ZNF331: variants seen among roughly 807,000 people sequenced by gnomAD.
The protein encoded by ZNF331 is C2H2-like zinc finger protein rearranged in thyroid adenomas.
A neutral mutation model predicts 7.0 loss-of-function variants in ZNF331; 2 were observed. The ratio of observed to expected loss-of-function variants is 0.29; its 90% CI spans 0.12 to 0.90. ZNF331 has a LOEUF of 0.90. Among genes scored for constraint, ZNF331 ranks in the 40% least tolerant of loss-of-function variants. The probability of loss-of-function intolerance (pLI) is 0.58; values close to 1 mark genes in which losing one functional copy is unlikely to be tolerated. For missense variants in ZNF331, 432 were observed against 587.7 expected (o/e 0.74, Z 2.74); for synonymous variants, 196 against 205.4 (o/e 0.95, Z 0.39).
At chr19:53,575,706 T>C (rs1472828606) in intron 5 of ZNF331, among the ~76,000 whole-genome samples, 2 of 151,416 alleles carry the variant, frequency 1.3e-5, no homozygotes, top group Non-Finnish European at 2.9e-5. Context: ...TTTTTTGATA[T>C]GGAGTCTAGC....
At chr19:53,519,606 G>A (rs1302245424), upstream of ZNF331, among the ~76,000 whole-genome samples, 1 of 152,162 alleles carries the variant, frequency 6.6e-6, no homozygotes, top group Admixed American at 6.5e-5. Flanking sequence ...ATATCCTGCC[G>A]GGCAGCAAGC....
upstream of ZNF331, among the ~76,000 whole-genome samples, chr19:53,514,685 C>CTT (rs375128658): frequency 1.5e-5 from 2 of 135,180 alleles, no homozygotes; most frequent in African/African-American, 2.8e-5. Context: ...GAGTTTCACA[C>CTT]TGTCGCCCAG....
chr19:53,571,459 G>T lies in ZNF331; in HGVS notation c.10-145G>T, dbSNP rs2090441864. 6 of 954,890 alleles carry T rather than the reference G, an allele frequency of 6.3e-6. No homozygotes were observed. The Admixed American group carries it at 9.2e-5, about 15-fold the overall frequency. 59.2% of individuals were successfully genotyped at this position (954,890 alleles called of 1,614,324 possible). ...GCATTCTGCTTCCGTCACAGTTACA[G>T]TGATGTCCTTACCGCCCCTTGCCGA... On this transcript the variant is annotated intron_variant, in intron 4 of 5. Transcript: ENST00000449416. The surrounding 1 kb of genome is among the most constrained non-coding windows in gnomAD (Gnocchi z 4.7).
chr19:53,513,644 T>G, the ZNF331 span, among the ~76,000 whole-genome samples: 6 of 151,496 alleles, frequency 4.0e-5, no homozygotes, highest in Non-Finnish European at 8.8e-5. Context: ...GGCCCTTTAC[T>G]TTTTTTCGTT....
intron 3 of ZNF331, among the ~76,000 whole-genome samples, chr19:53,562,190 T>C (rs561744169): frequency 6.8e-6 from 1 of 147,926 alleles, no homozygotes; most frequent in East Asian, 1.9e-4. Context: ...AATTGTAATG[T>C]TTCTTTCCCA....
intron 5 of ZNF331, among the ~76,000 whole-genome samples, chr19:53,572,295 T>G (rs949932304): frequency 6.6e-6 from 1 of 152,032 alleles, no homozygotes; most frequent in African/African-American, 2.4e-5. Flanking sequence ...CAAACATCCC[T>G]GGAAACTTAT....
chr19:53,531,902 T>G (rs1379362552), intron 2 of ZNF331, among the ~76,000 whole-genome samples: 1 of 152,202 alleles, frequency 6.6e-6, no homozygotes, highest in African/African-American at 2.4e-5. Context: ...GGGCCACATA[T>G]AGTTCTGTAT....
At chr19:53,527,755 G>C (rs767571932) in intron 2 of ZNF331, among the ~76,000 whole-genome samples, 9 of 152,222 alleles carry the variant, frequency 5.9e-5, no homozygotes, top group Non-Finnish European at 1.0e-4. Flanking sequence ...GGAGAAGAGA[G>C]AGGCAGGCCA....
intron 3 of ZNF331, among the ~76,000 whole-genome samples, chr19:53,559,727 A>G (rs1000400903): frequency 3.1e-5 from 2 of 63,732 alleles, no homozygotes; most frequent in African/African-American, 2.3e-4. Context: ...ACACACCTAC[A>G]TATATACACA....
intron 4 of ZNF331, among the ~76,000 whole-genome samples, chr19:53,570,879 CAG>C (rs1365948851): frequency 7.8e-6 from 1 of 127,512 alleles, no homozygotes; most frequent in African/African-American, 3.1e-5. Flanking sequence ...TTTTTTGAGA[CAG>C]AGTCTCGCTC....
Position 53,561,334 on chromosome 19 carries a change from C to CA in ZNF331, c.-74+5444dup, listed in dbSNP as rs59551370. Among the ~76,000 whole-genome samples the CA allele has an allele frequency of 5.4e-3, 564 of 104,536 alleles. 1 individual carries two copies. The highest frequency in any genetic ancestry group is 0.019 in the Middle Eastern group (4 of 208). 68.6% of individuals were successfully genotyped at this position (104,536 alleles called of 152,430 possible). ...ATGGGATTAATGCAGGCCTGCTGGC[C>CA]AAAAAAAAAAAAAAAAAACAAATTA... On this transcript the variant is annotated intron_variant, in intron 3 of 5. Transcript: ENST00000449416.
chr19:53,528,559 C>CA (rs1314996547), intron 2 of ZNF331, among the ~76,000 whole-genome samples: 2 of 152,138 alleles, frequency 1.3e-5, no homozygotes, highest in African/African-American at 4.8e-5. Context: ...TAGTAACTGT[C>CA]AGAGTTCAGA....
chr19:53,507,451 C>A, the ZNF331 span, among the ~76,000 whole-genome samples: 1 of 152,122 alleles, frequency 6.6e-6, no homozygotes, highest in Non-Finnish European at 1.5e-5. Flanking sequence ...GAAAATGGAC[C>A]GGCCCAGCAA....
At chr19:53,547,491 C>G (rs2088690013) in intron 2 of ZNF331, among the ~76,000 whole-genome samples, 1 of 152,180 alleles carries the variant, frequency 6.6e-6, no homozygotes, top group South Asian at 2.1e-4. Context: ...CTGCAGTGAA[C>G]ACGGGAGCAC....
intron 2 of ZNF331, among the ~76,000 whole-genome samples, chr19:53,540,581 T>C (rs28621685): frequency 0.76 from 114,817 of 151,412 alleles, 44,216 homozygotes; most frequent in African/African-American, 0.87. Context: ...TACAGGCACA[T>C]GTCACCATCC....
At chr19:53,544,020 A>C (rs1213108572) in intron 2 of ZNF331, among the ~76,000 whole-genome samples, 1 of 151,984 alleles carries the variant, frequency 6.6e-6, no homozygotes, top group Non-Finnish European at 1.5e-5. Context: ...CAAGGTCAGG[A>C]GATCGAGACC....
At position 53,569,423 on chromosome 19, in the gene ZNF331, A is replaced by G. The variant is rs774499368; in HGVS notation, c.9+38A>G. 3.1e-6 allele frequency: 5 copies of G among 1,612,458 alleles called. No homozygotes were observed. The East Asian group carries it at 6.7e-5, about 22-fold the overall frequency. On this transcript the variant is annotated intron_variant, in intron 4 of 5. Coordinates refer to ENST00000449416, the MANE Select transcript of ZNF331 (RefSeq NM_001079906.2). ...TTCTCTTTCCTTCTTGAGCTATGAT[A>G]TTTGCGTTCTGTGCATCTGCTTGTG...
chr19:53,566,615 A>G (rs1337103745), intron 3 of ZNF331, among the ~76,000 whole-genome samples: 3 of 151,040 alleles, frequency 2.0e-5, no homozygotes, highest in Non-Finnish European at 4.4e-5. Context: ...GCAAAATCAG[A>G]AGAGGGAGAG....
chr19:53,551,860 GTC>G (rs919374300), intron 2 of ZNF331, among the ~76,000 whole-genome samples: 1 of 152,162 alleles, frequency 6.6e-6, no homozygotes, highest in African/African-American at 2.4e-5. Context: ...TTGTATAAGA[GTC>G]TGAAGCATTC....
Sources: gnomAD v4.1 joint callset for allele counts (sites outside exome capture counted in the v4.1 genomes callset) on GRCh38, gnomAD v4.1.1 for gene constraint, Gnocchi (gnomAD v3.1) non-coding constraint, MANE v1.5 for transcripts, NCBI Gene and HGNC (gene_info 2026-07-23, HGNC 2026-07-21) for gene names.